Variants in NRG2 observed in about 807,000 individuals in gnomAD.
NRG2 encodes the protein neuregulin 2, also known as pro-neuregulin-2, membrane-bound isoform.
NRG2 carries 27 observed loss-of-function variants against 73.9 expected under a neutral mutation model. The ratio of observed to expected loss-of-function variants is 0.37; its 90% confidence interval spans 0.27 to 0.50. NRG2 has a LOEUF of 0.50. Among genes scored for constraint, NRG2 ranks in the 20% least tolerant of loss-of-function variants. The pLI is 0.96. For missense variants in NRG2, 1,126 were observed against 1,210.1 expected, an observed-to-expected ratio of 0.93 and a Z score of 1.03; for synonymous variants, 532 against 541.0, an observed-to-expected ratio of 0.98 and a Z score of 0.23.
In NRG2 at chr5:139,848,196, CG is replaced by C; in HGVS notation, c.2273del (p.Ala758GlyfsTer8). 1 of 1,318,594 alleles carries C rather than the reference CG, an allele frequency of 7.6e-7. No homozygotes were observed. Among genetic ancestry groups the C allele is most frequent in the South Asian group, 2.0e-5 (1 of 50,326 alleles). 81.7% of individuals were successfully genotyped at this position (1,318,594 alleles called of 1,614,324 possible). ...LNGLAAQRAR[A>X]ARDSLSLSSG... ...TGCTCAGCGACAGCGAGTCCCTCGCCGCCCGTGCGCGCTGCGCCGCCAGCCC... is the reference window on the plus strand; with the variant it reads ...TGCTCAGCGACAGCGAGTCCCTCGCCCCCGTGCGCGCTGCGCCGCCAGCCC... On this transcript the variant is annotated frameshift_variant, in exon 10 of 10. Coordinates refer to ENST00000361474, the MANE Select transcript of NRG2 (RefSeq NM_004883.3). LOFTEE classifies it high-confidence loss of function.
intron 1 of NRG2, among the ~76,000 whole-genome samples, chr5:140,027,496 T>C (rs887477026): frequency 6.6e-6 from 1 of 152,210 alleles, no homozygotes; most frequent in Non-Finnish European, 1.5e-5. Context: ...TTAAAAGAAG[T>C]ATATAGTAGT....
chr5:139,925,226 A>G (rs1009050132), intron 1 of NRG2, among the ~76,000 whole-genome samples: 2 of 152,148 alleles, frequency 1.3e-5, no homozygotes, highest in East Asian at 3.9e-4. Flanking sequence ...AAAATTCCCT[A>G]TGAAGCTAAT....
Position 139,894,930 on chromosome 5 carries a change from A to G in NRG2, c.701-7419T>C, listed in dbSNP as rs78526312. Among the ~76,000 whole-genome samples, 3,288 of 152,274 alleles carry G rather than the reference A, an allele frequency of 0.022. 122 individuals carry two copies. Among genetic ancestry groups the G allele is most frequent in the African/African-American group, 0.074 (3,090 of 41,552 alleles). ...GTGCCTGGCATCTCAGCTGCAAGGT[A>G]GAGAAGAGGGGCCAGGCCAGCTGGG... On this transcript the variant is annotated intron_variant, in intron 1 of 9. Coordinates refer to ENST00000361474, the MANE Select transcript of NRG2 (RefSeq NM_004883.3). This position sits in a 1 kb window ranked among gnomAD's most constrained non-coding sequence, Gnocchi z 5.0.
intron 3 of NRG2, among the ~76,000 whole-genome samples, chr5:139,873,656 G>T (rs1225480867): frequency 1.3e-5 from 2 of 152,256 alleles, no homozygotes; most frequent in Non-Finnish European, 2.9e-5. Context: ...GTGGGTGTTG[G>T]CTAAGCCAGA....
intron 1 of NRG2, among the ~76,000 whole-genome samples, chr5:139,895,014 G>T (rs1055111220): frequency 1.3e-5 from 2 of 152,234 alleles, no homozygotes; most frequent in African/African-American, 4.8e-5. Context: ...AGAAGAAGGG[G>T]AAGGGAGGAG....
At chr5:139,883,324 C>T (rs941180695) in intron 2 of NRG2, among the ~76,000 whole-genome samples, 4 of 151,088 alleles carry the variant, frequency 2.6e-5, no homozygotes, top group Admixed American at 6.6e-5. Flanking sequence ...CGCCTACCCC[C>T]GCCCCCCGCC....
intron 1 of NRG2, among the ~76,000 whole-genome samples, chr5:140,025,308 G>A (rs1336903004): frequency 2.0e-5 from 3 of 152,150 alleles, no homozygotes; most frequent in South Asian, 4.2e-4. Flanking sequence ...TAAGTATCAA[G>A]AGGGCCCTGG....
At chr5:139,875,086 A>T (rs922266489) in intron 3 of NRG2, among the ~76,000 whole-genome samples, 5 of 152,188 alleles carry the variant, frequency 3.3e-5, no homozygotes, top group African/African-American at 1.2e-4. Context: ...ATCTCAGCTC[A>T]CTGCAACCTC....
At chr5:140,005,511 A>C (rs1301727132) in intron 1 of NRG2, among the ~76,000 whole-genome samples, 1 of 152,240 alleles carries the variant, frequency 6.6e-6, no homozygotes, top group African/African-American at 2.4e-5. Flanking sequence ...TTGGTCTCAC[A>C]ACCTGTCTCT....
chr5:139,918,520 A>G (rs1462438096), intron 1 of NRG2, among the ~76,000 whole-genome samples: 1 of 152,184 alleles, frequency 6.6e-6, no homozygotes, highest in Non-Finnish European at 1.5e-5. Context: ...TAGGGAGCGC[A>G]TTACCATCTT....
intron 1 of NRG2, among the ~76,000 whole-genome samples, chr5:140,004,871 T>C (rs1758765666): frequency 6.6e-6 from 1 of 152,228 alleles, no homozygotes; most frequent in Non-Finnish European, 1.5e-5. Context: ...TATGGTTATG[T>C]AAGGTGATAA....
At chr5:139,864,607 T>C (rs1419367413) in intron 5 of NRG2, among the ~76,000 whole-genome samples, 1 of 152,018 alleles carries the variant, frequency 6.6e-6, no homozygotes, top group East Asian at 1.9e-4. Flanking sequence ...ATATCTCTGG[T>C]ATTCATGGAA....
Position 139,856,822 on chromosome 5 carries a change from C to G in NRG2, c.1190-1044G>C, listed in dbSNP as rs1761837334. 6.6e-6 allele frequency among the ~76,000 whole-genome samples: 1 copy of G among 152,202 alleles called. No individual in the cohort carries two copies. ...CACCTGCACACACAACATATGCACA[C>G]ACACAGAGTTAACCACACACTCCAG... On this transcript the variant is annotated intron_variant, in intron 5 of 9. Transcript: ENST00000361474. This position sits in a 1 kb window ranked among gnomAD's most constrained non-coding sequence, Gnocchi z 4.2.
At chr5:139,985,988 A>T (rs1269143487) in intron 1 of NRG2, among the ~76,000 whole-genome samples, 1 of 152,168 alleles carries the variant, frequency 6.6e-6, no homozygotes, top group African/African-American at 2.4e-5. Flanking sequence ...GGCTATATTT[A>T]GGCCACTGGG....
At position 140,042,379 on chromosome 5, in the gene NRG2, T is replaced by C; in HGVS notation, c.691A>G (p.Thr231Ala). ...GGAGGGGGCGACTCACCGCAGTCAG[T>C]GCACAGGATCTTGCCCACCTCTTTC... Reference protein sequence around the residue: ...LKKEVGKILCTDCATRPKLKK... With the variant: ...LKKEVGKILCADCATRPKLKK... The change falls in exon 1 of 10, where the codon ACT becomes GCT. Residue 231 changes from threonine to alanine, a missense_variant. Thr to Ala is a moderately conservative substitution (Grantham distance 58). This residue lies in a region of NRG2 where 539 missense variants were observed against 703.2 expected (regional missense o/e 0.77). Coordinates refer to ENST00000361474, the MANE Select transcript of NRG2 (RefSeq NM_004883.3). The C allele has an allele frequency of 1.3e-6, 2 of 1,573,226 alleles. No homozygotes were observed. Among genetic ancestry groups the C allele is most frequent in the Non-Finnish European group, 1.7e-6 (2 of 1,156,398 alleles).
rs1477533907 is a variant in NRG2, at chr5:139,868,720, G to T, written c.1112+3001C>A. 6.6e-6 allele frequency among the ~76,000 whole-genome samples: 1 copy of T among 152,124 alleles called. No homozygotes were observed. Among genetic ancestry groups the T allele is most frequent in the East Asian group, 1.9e-4 (1 of 5,190 alleles). On this transcript the variant is annotated intron_variant, in intron 4 of 9. Transcript: ENST00000361474. This position sits in a 1 kb window ranked among gnomAD's most constrained non-coding sequence, Gnocchi z 4.2. ...GCCATGTGTGCTGCCCTCACCCGGG[G>T]GAGGGGGTGGATGAAGGATGGCGGT...
chr5:139,960,471 C>T (rs1355957396), intron 1 of NRG2, among the ~76,000 whole-genome samples: 1 of 152,170 alleles, frequency 6.6e-6, no homozygotes, highest in South Asian at 2.1e-4. Flanking sequence ...GCCAAGGTTG[C>T]GCCACTGGAC....
chr5:139,889,578 A>T (rs2127136251), intron 1 of NRG2, among the ~76,000 whole-genome samples: 1 of 152,250 alleles, frequency 6.6e-6, no homozygotes, highest in South Asian at 2.1e-4. Flanking sequence ...ATGGTTGCAT[A>T]ATGTTCCTGT....
Position 139,915,151 on chromosome 5 carries a change from C to T in NRG2, c.701-27640G>A, listed in dbSNP as rs761712753. ...CCCATTAAGCTTCTTTCAGACAAAC[C>T]GGCTTAATGTAATTACGGAAATGGT... On this transcript the variant is annotated intron_variant, in intron 1 of 9. Transcript: ENST00000361474. This position sits in a 1 kb window ranked among gnomAD's most constrained non-coding sequence, Gnocchi z 4.0. 6.6e-6 allele frequency among the ~76,000 whole-genome samples: 1 copy of T among 152,166 alleles called. No individual in the cohort carries two copies. Among genetic ancestry groups the T allele is most frequent in the Non-Finnish European group, 1.5e-5 (1 of 68,042 alleles).
Sources: allele counts gnomAD v4.1 joint callset (sites outside exome capture counted in the v4.1 genomes callset), GRCh38; gene constraint gnomAD v4.1.1; regional missense constraint gnomAD v4.1.1; non-coding constraint Gnocchi (gnomAD v3.1); transcripts MANE v1.5; gene names NCBI Gene and HGNC (gene_info 2026-07-23, HGNC 2026-07-21).